The following ALG6 variants were observed in gnomAD, a reference collection of about 807,000 sequenced individuals.
ALG6 encodes the protein ALG6 alpha-1,3-glucosyltransferase.
Under a neutral mutation model 66.6 loss-of-function variants are expected in ALG6, and 46 were observed. That is an observed-to-expected ratio of 0.69 (90% confidence interval 0.55 to 0.88). The LOEUF is 0.88. Among genes scored for constraint, ALG6 ranks in the 40% least tolerant of loss-of-function variants. The pLI is 0.00. For synonymous variants in ALG6, 185 were observed against 203.7 expected, an observed-to-expected ratio of 0.91 and a Z score of 0.78; for missense variants, 505 against 586.8, an observed-to-expected ratio of 0.86 and a Z score of 1.44.
Position 63,411,201 on chromosome 1 carries a change from G to A in ALG6, c.550G>A (p.Asp184Asn). Residue 184 changes from aspartate to asparagine, a missense_variant, in exon 8 of 15, where the codon GAC becomes AAC. Asp to Asn is a conservative substitution (Grantham distance 23). Coordinates refer to ENST00000263440, the MANE Select transcript of ALG6 (RefSeq NM_013339.4). ...GTGGGGTGTTCTTGGAATATCTTGT[G>A]ACTGCGACCTCCTAGGGTCACTGGC... The part of the protein sequence containing the change: ...ALWGVLGISC[D>N]CDLLGSLAFC... 6.2e-7 allele frequency: 1 copy of A among 1,613,838 alleles called. No homozygotes were observed. The highest frequency in any genetic ancestry group is 8.5e-7 in the Non-Finnish European group (1 of 1,179,876).
intron 3 of ALG6, 133 bp from the exon 4 acceptor site, chr1:63,402,121 T>C (rs1644467720): frequency 1.4e-6 from 1 of 699,034 alleles, no homozygotes; most frequent in Admixed American, 2.2e-5. Context: ...TGACATGGCT[T>C]AATTATTAAT....
intron 10 of ALG6, among the ~76,000 whole-genome samples, chr1:63,414,729 A>G (rs1644533757): frequency 6.6e-6 from 1 of 152,232 alleles, no homozygotes; most frequent in Middle Eastern, 3.2e-3. Context: ...TTCAGTGTGT[A>G]TCAGTCAGGA....
At chr1:63,382,651 GTTTGTTT>G (rs1648358775) in intron 2 of ALG6, among the ~76,000 whole-genome samples, 3 of 24,048 alleles carry the variant, frequency 1.2e-4, no homozygotes, top group Non-Finnish European at 2.1e-4. Flanking sequence ...GTTTTTTTTT[GTTTGTTT>G]TTTTTTGTTT....
chr1:63,422,012 G>A (rs1557594633), intron 12 of ALG6, among the ~76,000 whole-genome samples: 1 of 137,140 alleles, frequency 7.3e-6, no homozygotes, highest in African/African-American at 2.7e-5. Context: ...AGAACTTAAA[G>A]TATATATATA....
At chr1:63,390,420 T>G (rs1354298190) in intron 2 of ALG6, among the ~76,000 whole-genome samples, 3 of 152,048 alleles carry the variant, frequency 2.0e-5, no homozygotes, top group African/African-American at 7.2e-5. Flanking sequence ...CTCTCCAGTC[T>G]CCTTTCCTTA....
intron 2 of ALG6, among the ~76,000 whole-genome samples, chr1:63,385,107 A>T (rs1450920656): frequency 6.6e-6 from 1 of 151,656 alleles, no homozygotes; most frequent in East Asian, 1.9e-4. Context: ...CAATCCATGA[A>T]CATGGAATAT....
At chr1:63,368,327 C>A (rs1647793467) in intron 1 of ALG6, among the ~76,000 whole-genome samples, 1 of 152,042 alleles carries the variant, frequency 6.6e-6, no homozygotes, top group Non-Finnish European at 1.5e-5. Flanking sequence ...ATTAGGGTAC[C>A]TCCCCGCTTC....
At chr1:63,424,216 C>T (rs1221234578) in intron 12 of ALG6, among the ~76,000 whole-genome samples, 1 of 152,206 alleles carries the variant, frequency 6.6e-6, no homozygotes, top group Non-Finnish European at 1.5e-5. Context: ...TCTCAGCTCA[C>T]TGCAACCTCC....
At chr1:63,395,026 C>T (rs1000307160) in intron 2 of ALG6, among the ~76,000 whole-genome samples, 14 of 150,980 alleles carry the variant, frequency 9.3e-5, no homozygotes, top group African/African-American at 2.4e-4. Flanking sequence ...CCACCATGCC[C>T]GGCTAATTTT....
At chr1:63,428,639 A>G in intron 12 of ALG6, 94 bp from the exon 13 acceptor site, 2 of 1,003,390 alleles carry the variant, frequency 2.0e-6, no homozygotes, top group South Asian at 3.1e-5. Flanking sequence ...CTACCGCTGA[A>G]AATCAGACAG....
At chr1:63,427,777 C>T (rs1434009904) in intron 12 of ALG6, among the ~76,000 whole-genome samples, 1 of 150,348 alleles carries the variant, frequency 6.7e-6, no homozygotes, top group Non-Finnish European at 1.5e-5. Context: ...AGAGCTATGA[C>T]CCTAAACAAC....
intron 7 of ALG6, among the ~76,000 whole-genome samples, chr1:63,408,707 G>T (rs993997306): frequency 6.6e-6 from 1 of 152,176 alleles, no homozygotes; most frequent in African/African-American, 2.4e-5. Flanking sequence ...AAAATTTGTA[G>T]TAGTATGTCC....
chr1:63,425,342 T>G (rs1027552675), intron 12 of ALG6, among the ~76,000 whole-genome samples: 4 of 152,054 alleles, frequency 2.6e-5, no homozygotes, highest in Admixed American at 2.6e-4. Context: ...ATGGAAGAAT[T>G]GGCATTGGAC....
intron 9 of ALG6, among the ~76,000 whole-genome samples, chr1:63,413,049 C>G (rs1009066814): frequency 6.6e-6 from 1 of 152,110 alleles, no homozygotes; most frequent in Non-Finnish European, 1.5e-5. Context: ...TAAATAATCA[C>G]TATTGTTATA....
intron 11 of ALG6, among the ~76,000 whole-genome samples, chr1:63,417,427 G>A (rs1644550857): frequency 1.3e-5 from 2 of 152,120 alleles, no homozygotes; most frequent in African/African-American, 2.4e-5. Context: ...AAGCCATTGT[G>A]TTAAAACTTT....
intron 4 of ALG6, 85 bp downstream of exon 4, chr1:63,402,428 C>A: frequency 1.4e-6 from 1 of 711,280 alleles, no homozygotes; most frequent in Non-Finnish European, 2.4e-6. Context: ...GCTTTCTTGA[C>A]TAGAGGAGAG....
intron 11 of ALG6, 130 bp downstream of exon 11, chr1:63,416,087 G>GAAACATCCAATAA: frequency 1.4e-6 from 1 of 724,868 alleles, no homozygotes; most frequent in Non-Finnish European, 2.4e-6. Flanking sequence ...ACATTTATTG[G>GAAACATCCAATAA]ATGTTTCCCA....
chr1:63,430,669 G>T (rs1025859701), intron 14 of ALG6, among the ~76,000 whole-genome samples: 1 of 152,110 alleles, frequency 6.6e-6, no homozygotes, highest in Non-Finnish European at 1.5e-5. Context: ...CTTTTCATGT[G>T]CTTATCGGCC....
chr1:63,395,346 C>T (rs1298037510), intron 2 of ALG6, among the ~76,000 whole-genome samples: 1 of 152,180 alleles, frequency 6.6e-6, no homozygotes, highest in Non-Finnish European at 1.5e-5. Flanking sequence ...GTCTTTTTAA[C>T]ATATAGTCTG....
Sources: gnomAD v4.1 joint callset for allele counts (sites outside exome capture counted in the v4.1 genomes callset) on GRCh38, gnomAD v4.1.1 for gene constraint, MANE v1.5 for transcripts, NCBI Gene and HGNC (gene_info 2026-07-23, HGNC 2026-07-21) for gene names.